The following CNTNAP5 variants were observed in gnomAD, a reference collection of about 807,000 sequenced individuals.
The protein encoded by CNTNAP5 is contactin associated protein family member 5, also known as contactin-associated protein-like 5.
In CNTNAP5, 72 loss-of-function variants were observed where a neutral mutation model predicts 150.2. The observed-to-expected ratio is 0.48, with a 90% CI of 0.40 to 0.58. The LOEUF (loss-of-function observed/expected upper bound fraction) is 0.58, where lower values mean the gene tolerates loss of function less well. Ranked by LOEUF, CNTNAP5 falls within the 20% of genes least tolerant of loss-of-function variation. The pLI is 0.00. For missense variants in CNTNAP5, 1,636 were observed against 1,626.2 expected (o/e 1.01, Z -0.10); for synonymous variants, 672 against 619.8 (o/e 1.08, Z -1.25).
intron 6 of CNTNAP5, among the ~76,000 whole-genome samples, chr2:124,451,814 G>T (rs548824956): frequency 1.8e-4 from 27 of 152,224 alleles, no homozygotes; most frequent in African/African-American, 6.0e-4. Context: ...CTAGATTACG[G>T]GAGAAGATTT....
chr2:124,469,777 C>T (rs1693460823), intron 6 of CNTNAP5, among the ~76,000 whole-genome samples: 1 of 152,104 alleles, frequency 6.6e-6, no homozygotes, highest in South Asian at 2.1e-4. Context: ...TCCCTGTGCC[C>T]ATGTGTTCTC....
At chr2:124,870,562 C>T (rs1677723636) in intron 21 of CNTNAP5, among the ~76,000 whole-genome samples, 1 of 152,102 alleles carries the variant, frequency 6.6e-6, no homozygotes, top group African/African-American at 2.4e-5. Context: ...TTTGTTTCTG[C>T]TACCCGATTT....
intron 21 of CNTNAP5, among the ~76,000 whole-genome samples, chr2:124,895,137 AT>A (rs1185607143): frequency 2.0e-5 from 3 of 151,196 alleles, no homozygotes; most frequent in African/African-American, 4.9e-5. Flanking sequence ...ACTTGGTTAT[AT>A]TTTTTTTACT....
At chr2:124,713,375 CTTT>C (rs1679877896) in intron 13 of CNTNAP5, among the ~76,000 whole-genome samples, 1 of 108,110 alleles carries the variant, frequency 9.2e-6, no homozygotes, top group South Asian at 3.1e-4. Context: ...TTCTTTCTTT[CTTT>C]CTTCTCCCTC....
At chr2:124,078,459 C>T (rs1682488109) in intron 1 of CNTNAP5, among the ~76,000 whole-genome samples, 1 of 152,102 alleles carries the variant, frequency 6.6e-6, no homozygotes, top group South Asian at 2.1e-4. Flanking sequence ...TATGGACTGA[C>T]CTGAGTTTGA....
intron 5 of CNTNAP5, among the ~76,000 whole-genome samples, chr2:124,443,716 G>C (rs1434767390): frequency 6.6e-6 from 1 of 151,584 alleles, no homozygotes; most frequent in Non-Finnish European, 1.5e-5. Flanking sequence ...TTTAATCATT[G>C]TTATTATTGG....
At chr2:124,769,970 A>T (rs1201738511) in intron 16 of CNTNAP5, among the ~76,000 whole-genome samples, 1 of 152,196 alleles carries the variant, frequency 6.6e-6, no homozygotes, top group Non-Finnish European at 1.5e-5. Flanking sequence ...TACTCAATAA[A>T]TATTAACTAT....
At chr2:124,783,488 C>A (rs28420965) in intron 17 of CNTNAP5, among the ~76,000 whole-genome samples, 10,792 of 152,060 alleles carry the variant, frequency 0.071, 631 homozygotes, top group Middle Eastern at 0.16. Context: ...CAGCTTTTTT[C>A]TTTAAAAAGT....
At chr2:124,611,588 A>T (rs1677385795) in intron 12 of CNTNAP5, among the ~76,000 whole-genome samples, 1 of 152,182 alleles carries the variant, frequency 6.6e-6, no homozygotes, top group South Asian at 2.1e-4. Flanking sequence ...CGGTTATTTT[A>T]AAAATGTAAT....
chr2:124,443,813 C>CGT (rs3034804), intron 5 of CNTNAP5, among the ~76,000 whole-genome samples: 26,008 of 143,616 alleles, frequency 0.18, 2,463 homozygotes, highest in East Asian at 0.39. Context: ...AATTCCTTGC[C>CGT]GTGTGTGTGT....
intron 11 of CNTNAP5, among the ~76,000 whole-genome samples, chr2:124,568,947 C>T (rs904991909): frequency 2.2e-4 from 33 of 152,166 alleles, no homozygotes; most frequent in Admixed American, 1.8e-3. Flanking sequence ...AATCGGGAGG[C>T]TGAGGCAGAA....
chr2:124,212,881 C>T (rs912640465), intron 1 of CNTNAP5, among the ~76,000 whole-genome samples: 1 of 136,150 alleles, frequency 7.3e-6, no homozygotes, highest in Admixed American at 8.0e-5. Context: ...CTCTGTCACC[C>T]AGGCTAGCGT....
chr2:124,707,854 A>G (rs969518820), intron 13 of CNTNAP5, among the ~76,000 whole-genome samples: 1 of 152,226 alleles, frequency 6.6e-6, no homozygotes, highest in Non-Finnish European at 1.5e-5. Context: ...GCTGAATTAC[A>G]TACAATTATT....
intron 3 of CNTNAP5, among the ~76,000 whole-genome samples, chr2:124,340,875 C>CAT (rs1022603668): frequency 1.2e-4 from 18 of 146,632 alleles, no homozygotes; most frequent in Middle Eastern, 3.6e-3. Context: ...TGTATATACA[C>CAT]ATATATATAT....
intron 10 of CNTNAP5, among the ~76,000 whole-genome samples, chr2:124,553,819 C>G (rs977247572): frequency 5.9e-5 from 9 of 152,052 alleles, no homozygotes; most frequent in African/African-American, 2.2e-4. Flanking sequence ...ATTCAGTGCT[C>G]CAGACTGAAC....
intron 1 of CNTNAP5, among the ~76,000 whole-genome samples, chr2:124,055,980 C>G (rs898780061): frequency 1.3e-5 from 2 of 151,956 alleles, no homozygotes; most frequent in African/African-American, 4.8e-5. Context: ...AACACCTATG[C>G]CTCTTTCCCT....
intron 20 of CNTNAP5, among the ~76,000 whole-genome samples, chr2:124,869,185 C>T (rs1359553414): frequency 2.0e-5 from 3 of 152,130 alleles, no homozygotes; most frequent in Admixed American, 2.0e-4. Context: ...GACTGCAATC[C>T]TTGCCCAGGA....
At chr2:124,607,163 A>G (rs529714429) in intron 11 of CNTNAP5, among the ~76,000 whole-genome samples, 1 of 152,296 alleles carries the variant, frequency 6.6e-6, no homozygotes, top group Admixed American at 6.5e-5. Flanking sequence ...ACACCTGGAA[A>G]CAACAGACAT....
chr2:124,913,816 GTA>G (rs1678705280), intron 23 of CNTNAP5, among the ~76,000 whole-genome samples: 1 of 152,052 alleles, frequency 6.6e-6, no homozygotes, highest in East Asian at 1.9e-4. Flanking sequence ...AATTCCATAT[GTA>G]TAAGATGGTA....
Sources: allele counts gnomAD v4.1 joint callset (sites outside exome capture counted in the v4.1 genomes callset), GRCh38; gene constraint gnomAD v4.1.1; transcripts MANE v1.5; gene names NCBI Gene and HGNC (gene_info 2026-07-23, HGNC 2026-07-21).